The following NPY2R variants were observed in gnomAD, a reference collection of about 807,000 sequenced individuals.
The protein encoded by NPY2R is neuropeptide Y receptor type 2.
Under a neutral mutation model 22.3 loss-of-function variants are expected in NPY2R, and 17 were observed. The observed-to-expected ratio is 0.76, with a 90% CI of 0.52 to 1.14. The LOEUF (loss-of-function observed/expected upper bound fraction) is 1.14. Ranked by LOEUF, NPY2R falls within the 50% of genes most tolerant of loss-of-function variation. The pLI, the probability that NPY2R is intolerant of heterozygous loss-of-function variation, is 0.00. For synonymous variants in NPY2R, 209 were observed against 183.4 expected (o/e 1.14, Z -1.13); for missense variants, 424 against 467.9 (o/e 0.91, Z 0.87).
At chr4:155,198,128 T>C in the NPY2R span, among the ~76,000 whole-genome samples, 9 of 151,996 alleles carry the variant, frequency 5.9e-5, no homozygotes, top group African/African-American at 9.7e-5. Flanking sequence ...CTAATAGATA[T>C]TAAATGTTGG....
chr4:155,204,785 G>A (rs553373339), upstream of NPY2R, among the ~76,000 whole-genome samples: 1 of 149,200 alleles, frequency 6.7e-6, no homozygotes, highest in Admixed American at 6.9e-5. Context: ...TGATGGTCAT[G>A]CTGGATGATG....
chr4:155,196,946 C>T, the NPY2R span, among the ~76,000 whole-genome samples: 2 of 151,866 alleles, frequency 1.3e-5, no homozygotes, highest in Non-Finnish European at 2.9e-5. Context: ...AATTAAATAG[C>T]TAATAGGTTG....
At position 155,216,010 on chromosome 4, in the gene NPY2R, C is replaced by T. The variant is rs553709267; in HGVS notation, c.*925C>T. 60 of 167,090 alleles carry T rather than the reference C, an allele frequency of 3.6e-4. No individual in the cohort carries two copies. Among genetic ancestry groups the T allele is most frequent in the Middle Eastern group, 3.4e-3 (1 of 296 alleles). 10.4% of individuals were successfully genotyped at this position (167,090 alleles called of 1,614,324 possible). ...TTTTGTGGCATGTTGTAACATTTCA[C>T]AGTATTTACAAGCTATTTTTGCACA... On this transcript the variant is annotated 3_prime_UTR_variant, in exon 2 of 2. Transcript: ENST00000329476.
At chr4:155,182,212 C>A in the NPY2R span, among the ~76,000 whole-genome samples, 1 of 152,242 alleles carries the variant, frequency 6.6e-6, no homozygotes, top group Admixed American at 6.5e-5. Context: ...CACACCACCA[C>A]CAAAAGGAAA....
upstream of NPY2R, among the ~76,000 whole-genome samples, chr4:155,205,462 C>G (rs1729266389): frequency 6.6e-6 from 1 of 152,132 alleles, no homozygotes; most frequent in South Asian, 2.1e-4. Context: ...GTATGTATCA[C>G]AAGTGGTCCT....
the NPY2R span, among the ~76,000 whole-genome samples, chr4:155,180,675 T>C: frequency 6.6e-6 from 1 of 152,080 alleles, no homozygotes. Flanking sequence ...ATATATATAT[T>C]TGATGACTAT....
chr4:155,190,280 A>G, the NPY2R span, among the ~76,000 whole-genome samples: 3,250 of 152,140 alleles, frequency 0.021, 128 homozygotes, highest in African/African-American at 0.073. Flanking sequence ...AGTGAGTTAG[A>G]TACCTGTTTT....
upstream of NPY2R, among the ~76,000 whole-genome samples, chr4:155,205,260 T>C (rs1729259747): frequency 6.6e-6 from 1 of 152,242 alleles, no homozygotes; most frequent in Admixed American, 6.5e-5. Flanking sequence ...CAGAAAGTTC[T>C]GTGGGACTGC....
chr4:155,176,890 G>A, the NPY2R span, among the ~76,000 whole-genome samples: 33 of 152,144 alleles, frequency 2.2e-4, no homozygotes, highest in Non-Finnish European at 3.1e-4. Context: ...GGGACAAAGC[G>A]GGAGGAGGAT....
intron 1 of NPY2R, among the ~76,000 whole-genome samples, chr4:155,211,060 C>T (rs1242627448): frequency 6.6e-6 from 1 of 152,124 alleles, no homozygotes; most frequent in African/African-American, 2.4e-5. Flanking sequence ...AAGAACCCTA[C>T]ATAGGCAGTT....
At chr4:155,200,241 TG>T in the NPY2R span, among the ~76,000 whole-genome samples, 85 of 151,946 alleles carry the variant, frequency 5.6e-4, 3 homozygotes, top group Non-Finnish European at 1.2e-4. Context: ...AACAAACATA[TG>T]GGGAAAAAAA....
At chr4:155,211,557 G>A (rs1729405497) in intron 1 of NPY2R, among the ~76,000 whole-genome samples, 1 of 152,194 alleles carries the variant, frequency 6.6e-6, no homozygotes, top group East Asian at 1.9e-4. Flanking sequence ...ATAGGCCAGT[G>A]TTGTCAACCT....
chr4:155,175,768 G>T, the NPY2R span, among the ~76,000 whole-genome samples: 1 of 151,068 alleles, frequency 6.6e-6, no homozygotes, highest in Non-Finnish European at 1.5e-5. Context: ...TGGTTAAACT[G>T]ATCAGTTCAA....
Position 155,214,677 on chromosome 4 carries a change from G to A in NPY2R, c.738G>A (p.Leu246=). 2.5e-6 allele frequency: 4 copies of A among 1,614,220 alleles called. No homozygotes were observed. The highest frequency in any genetic ancestry group is 3.4e-6 in the Non-Finnish European group (4 of 1,180,050). The change falls in exon 2 of 2, where the codon TTG becomes TTA. Residue 246 remains leucine, a synonymous_variant. Transcript: ENST00000329476. ...SFSYTRIWSK[L]KNHVSPGAAN... ...CCTACACTCGCATTTGGAGTAAATT[G>A]AAGAACCATGTCAGTCCTGGAGCTG...
chr4:155,202,534 T>C, the NPY2R span, among the ~76,000 whole-genome samples: 2 of 152,172 alleles, frequency 1.3e-5, no homozygotes, highest in Non-Finnish European at 2.9e-5. Context: ...ATATGGATTT[T>C]ATATAATTCC....
the NPY2R span, among the ~76,000 whole-genome samples, chr4:155,180,644 C>G: frequency 6.6e-6 from 1 of 151,936 alleles, no homozygotes; most frequent in South Asian, 2.1e-4. Context: ...CCTAAGTCTT[C>G]CCTTAAATCT....
the NPY2R span, among the ~76,000 whole-genome samples, chr4:155,199,796 C>T: frequency 6.6e-6 from 1 of 152,076 alleles, no homozygotes; most frequent in Non-Finnish European, 1.5e-5. Context: ...GGAAAACTGG[C>T]TAGCCATATG....
chr4:155,189,925 C>T, the NPY2R span, among the ~76,000 whole-genome samples: 139 of 151,952 alleles, frequency 9.1e-4, no homozygotes, highest in African/African-American at 3.1e-3. Flanking sequence ...TTATATTGAG[C>T]TATTTGTCTT....
intron 1 of NPY2R, among the ~76,000 whole-genome samples, chr4:155,211,542 C>A (rs1266279082): frequency 6.6e-6 from 1 of 152,288 alleles, no homozygotes. Context: ...TTGGGATTTT[C>A]TTCTATAGGC....
Sources: gnomAD v4.1 joint callset for allele counts (sites outside exome capture counted in the v4.1 genomes callset) on GRCh38, gnomAD v4.1.1 for gene constraint, MANE v1.5 for transcripts, NCBI Gene and HGNC (gene_info 2026-07-23, HGNC 2026-07-21) for gene names.